The following TMEM163 variants were observed in gnomAD, a reference collection of about 807,000 sequenced individuals.
The protein encoded by TMEM163 is transmembrane protein 163.
A neutral mutation model predicts 29.3 loss-of-function variants in TMEM163; 17 were observed. The ratio of observed to expected loss-of-function variants is 0.58; its 90% CI spans 0.40 to 0.87. TMEM163 has a LOEUF of 0.87. Among genes scored for constraint, TMEM163 ranks in the 40% least tolerant of loss-of-function variants. TMEM163 has a pLI of 0.00. For synonymous variants in TMEM163, 157 were observed against 160.6 expected (o/e 0.98, Z 0.17); for missense variants, 303 against 381.5 (o/e 0.79, Z 1.71).
chr2:134,664,870 T>G (rs1252431838), intron 2 of TMEM163, among the ~76,000 whole-genome samples: 1 of 152,100 alleles, frequency 6.6e-6, no homozygotes, highest in Non-Finnish European at 1.5e-5. Flanking sequence ...GGTTTTTTTT[T>G]GTTTTGTTTT....
At chr2:134,620,943 C>T (rs1162925710) in intron 2 of TMEM163, among the ~76,000 whole-genome samples, 1 of 152,008 alleles carries the variant, frequency 6.6e-6, no homozygotes, top group Non-Finnish European at 1.5e-5. Context: ...AGACGCAACA[C>T]CAAAAACACA....
intron 4 of TMEM163, among the ~76,000 whole-genome samples, chr2:134,548,225 C>CA (rs542479173): frequency 3.2e-4 from 47 of 148,422 alleles, no homozygotes; most frequent in South Asian, 2.6e-3. Flanking sequence ...AAAGCTAAAG[C>CA]AAAAAAAAAA....
chr2:134,456,892 A>C, intron 7 of TMEM163, 116 bp from the exon 8 acceptor site: 2 of 1,087,206 alleles, frequency 1.8e-6, no homozygotes, highest in Non-Finnish European at 2.7e-6. Flanking sequence ...AATTCACCCT[A>C]TGTGGCTCGG....
intron 5 of TMEM163, among the ~76,000 whole-genome samples, chr2:134,483,040 GA>G (rs1219767550): frequency 6.6e-6 from 1 of 152,086 alleles, no homozygotes; most frequent in African/African-American, 2.4e-5. Context: ...AGGGTCACAG[GA>G]AGCCACAGCA....
At chr2:134,464,454 T>C (rs1686617675) in intron 6 of TMEM163, among the ~76,000 whole-genome samples, 1 of 152,190 alleles carries the variant, frequency 6.6e-6, no homozygotes, top group Non-Finnish European at 1.5e-5. Flanking sequence ...GCCAGCCTGG[T>C]AGTGGTCAAC....
At chr2:134,669,899 G>A (rs891309883) in intron 2 of TMEM163, among the ~76,000 whole-genome samples, 1 of 152,044 alleles carries the variant, frequency 6.6e-6, no homozygotes. Context: ...GTTGTTCAAG[G>A]GTTCCCTGAC....
chr2:134,572,873 G>T (rs1172192222), intron 2 of TMEM163, among the ~76,000 whole-genome samples: 3 of 152,212 alleles, frequency 2.0e-5, no homozygotes, highest in African/African-American at 7.2e-5. Context: ...TGCTGCAGTG[G>T]CAACGATCTC....
At chr2:134,663,927 G>C (rs1253790796) in intron 2 of TMEM163, among the ~76,000 whole-genome samples, 1 of 152,202 alleles carries the variant, frequency 6.6e-6, no homozygotes, top group Non-Finnish European at 1.5e-5. Flanking sequence ...TCTCTGGCAG[G>C]TGAGCACCCA....
rs750103259 is a variant in TMEM163 at position 134,713,199 on chromosome 2, C to T, written c.322+1G>A. Reference sequence around the variant, plus strand: ...TGGCCGACGAGACCCTTGATACTCACTAAAGGCAGCCACCGCGAGGGCCAG... The same window carrying T: ...TGGCCGACGAGACCCTTGATACTCATTAAAGGCAGCCACCGCGAGGGCCAG... On this transcript the variant is annotated splice_donor_variant, in intron 2 of 7. Coordinates refer to ENST00000281924, the MANE Select transcript of TMEM163 (RefSeq NM_030923.5). LOFTEE classifies it high-confidence loss of function. The T allele has an allele frequency of 1.2e-6, 2 of 1,613,858 alleles. No homozygotes were observed. Among genetic ancestry groups the T allele is most frequent in the Non-Finnish European group, 1.7e-6 (2 of 1,179,904 alleles).
In TMEM163 at chr2:134,658,946, C is replaced by T. The variant is rs114579106; in HGVS notation, c.322+54254G>A. On this transcript the variant is annotated intron_variant, in intron 2 of 7. Coordinates refer to ENST00000281924, the MANE Select transcript of TMEM163 (RefSeq NM_030923.5). Reference sequence around the variant, plus strand: ...TCTGCTTTGCAAAAGAACTCAAATACAGTCATGTGTCTCTTAACAACAGGG... The same window carrying T: ...TCTGCTTTGCAAAAGAACTCAAATATAGTCATGTGTCTCTTAACAACAGGG... 4.6e-3 allele frequency among the ~76,000 whole-genome samples: 702 copies of T among 152,240 alleles called. 7 individuals are homozygous for T. Among genetic ancestry groups the T allele is most frequent in the African/African-American group, 0.016 (678 of 41,548 alleles).
chr2:134,483,131 C>T (rs537284888), intron 5 of TMEM163, among the ~76,000 whole-genome samples: 4 of 152,208 alleles, frequency 2.6e-5, no homozygotes, highest in African/African-American at 9.6e-5. Context: ...GCTGCCTCTT[C>T]CAAGACATAG....
At chr2:134,591,359 G>A (rs1681930586) in intron 2 of TMEM163, among the ~76,000 whole-genome samples, 1 of 152,190 alleles carries the variant, frequency 6.6e-6, no homozygotes, top group Non-Finnish European at 1.5e-5. Context: ...GAGTGTAGCA[G>A]TGAGGACAAC....
intron 6 of TMEM163, 79 bp from the exon 7 acceptor site, chr2:134,458,252 A>G: frequency 1.3e-6 from 2 of 1,551,564 alleles, no homozygotes; most frequent in Non-Finnish European, 1.8e-6. Flanking sequence ...TCCTGCCTCC[A>G]CGTAACTGGA....
At chr2:134,616,496 G>A (rs1474054787) in intron 2 of TMEM163, among the ~76,000 whole-genome samples, 6 of 152,222 alleles carry the variant, frequency 3.9e-5, no homozygotes, top group Non-Finnish European at 8.8e-5. Context: ...AGACTGCATT[G>A]ATATGGTTAC....
chr2:134,519,697 G>A (rs1022100530), intron 4 of TMEM163, among the ~76,000 whole-genome samples: 2 of 151,648 alleles, frequency 1.3e-5, no homozygotes, highest in African/African-American at 2.4e-5. Flanking sequence ...GGGTGACAGA[G>A]TGAGATTCCG....
chr2:134,637,788 A>C (rs1276389209), intron 2 of TMEM163, among the ~76,000 whole-genome samples: 1 of 152,232 alleles, frequency 6.6e-6, no homozygotes, highest in Non-Finnish European at 1.5e-5. Flanking sequence ...ATGTATGTGC[A>C]GCTCACATTT....
chr2:134,484,095 C>T (rs971117720), intron 5 of TMEM163, among the ~76,000 whole-genome samples: 6 of 152,060 alleles, frequency 3.9e-5, no homozygotes, highest in African/African-American at 1.4e-4. Flanking sequence ...TGAGTGAGAT[C>T]AAGCCACTGC....
At chr2:134,622,576 T>C (rs114626327) in intron 2 of TMEM163, among the ~76,000 whole-genome samples, 4,009 of 152,290 alleles carry the variant, frequency 0.026, 186 homozygotes, top group African/African-American at 0.091. Flanking sequence ...CTTCTCCTAA[T>C]TCCACTTACT....
At chr2:134,656,918 C>G (rs770347583) in intron 2 of TMEM163, among the ~76,000 whole-genome samples, 29 of 152,116 alleles carry the variant, frequency 1.9e-4, no homozygotes, top group Non-Finnish European at 7.3e-5. Flanking sequence ...ATGTTTTGAA[C>G]CAGCCCTGTA....
Sources: allele counts gnomAD v4.1 joint callset (sites outside exome capture counted in the v4.1 genomes callset), GRCh38; gene constraint gnomAD v4.1.1; transcripts MANE v1.5; gene names NCBI Gene and HGNC (gene_info 2026-07-23, HGNC 2026-07-21).